MALRD1: variants seen among roughly 807,000 people sequenced by gnomAD.
MALRD1 encodes the protein MAM and LDL receptor class A domain containing 1.
MALRD1 carries 247 observed loss-of-function variants against 242.1 expected under a neutral mutation model. The observed-to-expected ratio is 1.02, with a 90% CI of 0.92 to 1.13. The LOEUF is 1.13. MALRD1 is among the 50% of genes most tolerant of loss of function. MALRD1 has a pLI of 0.00. For synonymous variants in MALRD1, 995 were observed against 866.6 expected (o/e 1.15, Z -2.60); for missense variants, 2,989 against 2,533.1 (o/e 1.18, Z -3.86).
At chr10:19,661,315 G>A (rs1457420681) in intron 36 of MALRD1, among the ~76,000 whole-genome samples, 1 of 152,072 alleles carries the variant, frequency 6.6e-6, no homozygotes, top group Non-Finnish European at 1.5e-5. Flanking sequence ...AAATCATACT[G>A]CTATAAAGAC....
At chr10:19,529,603 C>G (rs1348420693) in intron 31 of MALRD1, among the ~76,000 whole-genome samples, 1 of 150,422 alleles carries the variant, frequency 6.6e-6, no homozygotes, top group African/African-American at 2.5e-5. Flanking sequence ...AAAATGAAGA[C>G]AAATATGGTA....
chr10:19,322,247 G>A (rs183727506), intron 21 of MALRD1, among the ~76,000 whole-genome samples: 79 of 152,010 alleles, frequency 5.2e-4, no homozygotes, highest in African/African-American at 1.3e-3. Context: ...TTTGTTCTGC[G>A]TATCCCTGTT....
chr10:19,692,226 T>C, intron 36 of MALRD1, 56 bp from the exon 37 acceptor site: 1 of 1,303,392 alleles, frequency 7.7e-7, no homozygotes, highest in Admixed American at 2.1e-5. Context: ...CCAGTTGTGT[T>C]CAAATATCTT....
intron 24 of MALRD1, among the ~76,000 whole-genome samples, chr10:19,344,822 C>T (rs1844038411): frequency 6.6e-6 from 1 of 151,708 alleles, no homozygotes; most frequent in Non-Finnish European, 1.5e-5. Flanking sequence ...ATCAGCATTT[C>T]GTGGTTTTCA....
chr10:19,304,556 A>T (rs1291642426), intron 21 of MALRD1, among the ~76,000 whole-genome samples: 1 of 151,792 alleles, frequency 6.6e-6, no homozygotes, highest in Non-Finnish European at 1.5e-5. Flanking sequence ...ATTGAAAAGC[A>T]ACTCTAAATT....
chr10:19,499,445 G>GAAAAAA (rs869219398), intron 31 of MALRD1, among the ~76,000 whole-genome samples: 2 of 116,646 alleles, frequency 1.7e-5, no homozygotes. Flanking sequence ...GGCCTGAATA[G>GAAAAAA]AAAAAAAAAA....
chr10:19,694,543 G>C (rs1035723827), intron 38 of MALRD1, among the ~76,000 whole-genome samples: 1 of 152,218 alleles, frequency 6.6e-6, no homozygotes, highest in Non-Finnish European at 1.5e-5. Context: ...ACACCAGTTA[G>C]AATGGCGATC....
intron 26 of MALRD1, among the ~76,000 whole-genome samples, chr10:19,360,374 G>A (rs1844837020): frequency 6.6e-6 from 1 of 152,032 alleles, no homozygotes; most frequent in Non-Finnish European, 1.5e-5. Flanking sequence ...CTAATGATAA[G>A]TAGCCTAAAT....
intron 10 of MALRD1, among the ~76,000 whole-genome samples, chr10:19,144,209 C>G (rs1833648179): frequency 6.6e-6 from 1 of 152,036 alleles, no homozygotes; most frequent in Admixed American, 6.5e-5. Flanking sequence ...AATGCTGTAC[C>G]AAAATCTATG....
chr10:19,484,627 C>A (rs1480542108), intron 29 of MALRD1, among the ~76,000 whole-genome samples: 3 of 152,032 alleles, frequency 2.0e-5, no homozygotes, highest in African/African-American at 7.2e-5. Context: ...TAATATGCTT[C>A]CCACTCACTG....
upstream of MALRD1, among the ~76,000 whole-genome samples, chr10:19,048,620 T>C (rs1463170191): frequency 6.6e-6 from 1 of 152,216 alleles, no homozygotes; most frequent in Non-Finnish European, 1.5e-5. Flanking sequence ...CTTTATTTTT[T>C]ACAAATGTCT....
rs1244097673 is a variant in MALRD1 at position 19,387,758 on chromosome 10, C to G, written c.4672C>G (p.Leu1558Val). 1 of 1,547,682 alleles carries G rather than the reference C, an allele frequency of 6.5e-7. No homozygotes were observed. Among genetic ancestry groups the G allele is most frequent in the Non-Finnish European group, 8.7e-7 (1 of 1,145,966 alleles). ...QSLRPPKDHT[L>V]GNENGHFMYL... ...CTTAAGACCTCCCAAAGACCACACA[C>G]TTGGAAATGAAAATGGTAGGTTATT... The change falls in exon 27 of 40, where the codon CTT becomes GTT. Residue 1558 changes from leucine to valine, a missense_variant. By Grantham distance (32) the Leu-to-Val change is conservative. Transcript: ENST00000454679.
At chr10:19,557,343 T>C (rs1835766738) in intron 32 of MALRD1, among the ~76,000 whole-genome samples, 1 of 152,120 alleles carries the variant, frequency 6.6e-6, no homozygotes, top group Non-Finnish European at 1.5e-5. Context: ...TGGCAATATA[T>C]GTAAAAACTC....
intron 26 of MALRD1, among the ~76,000 whole-genome samples, chr10:19,373,374 G>A (rs1394410448): frequency 6.6e-6 from 1 of 151,830 alleles, no homozygotes; most frequent in Non-Finnish European, 1.5e-5. Context: ...AATGTAGCCA[G>A]ATGTGGTGGT....
At chr10:19,236,020 A>G (rs1451290764) in intron 18 of MALRD1, among the ~76,000 whole-genome samples, 3 of 152,172 alleles carry the variant, frequency 2.0e-5, no homozygotes, top group Non-Finnish European at 4.4e-5. Flanking sequence ...AAAATGTGGG[A>G]CTGGATTACA....
At chr10:19,471,586 T>G (rs182817371) in intron 29 of MALRD1, among the ~76,000 whole-genome samples, 11 of 148,754 alleles carry the variant, frequency 7.4e-5, no homozygotes, top group African/African-American at 2.7e-4. Context: ...TCCCAGTTAT[T>G]TGTCCCTTTT....
At chr10:19,299,579 AATGTG>A (rs71507278) in intron 21 of MALRD1, among the ~76,000 whole-genome samples, 19,495 of 151,888 alleles carry the variant, frequency 0.13, 1,272 homozygotes, top group Non-Finnish European at 0.14. Context: ...CAAATCAATA[AATGTG>A]ATGTGATTCA....
intron 28 of MALRD1, among the ~76,000 whole-genome samples, chr10:19,415,568 G>C (rs1833483941): frequency 6.6e-6 from 1 of 151,926 alleles, no homozygotes; most frequent in Non-Finnish European, 1.5e-5. Context: ...AGGAAAGCAA[G>C]ACTTAAAAAA....
intron 28 of MALRD1, among the ~76,000 whole-genome samples, chr10:19,436,074 T>C (rs1237997641): frequency 6.6e-6 from 1 of 152,108 alleles, no homozygotes; most frequent in African/African-American, 2.4e-5. Flanking sequence ...TGTGGGAATT[T>C]ATTTATTTAA....
Sources: gnomAD v4.1 joint callset for allele counts (sites outside exome capture counted in the v4.1 genomes callset) on GRCh38, gnomAD v4.1.1 for gene constraint, MANE v1.5 for transcripts, NCBI Gene and HGNC (gene_info 2026-07-23, HGNC 2026-07-21) for gene names.